Variants in CAST observed in about 807,000 individuals in gnomAD.
CAST encodes calpastatin.
Under a neutral mutation model 119.6 loss-of-function variants are expected in CAST, and 76 were observed. The observed-to-expected ratio is 0.64, with a 90% CI of 0.53 to 0.77. CAST has a LOEUF of 0.77. Among genes scored for constraint, CAST ranks in the 30% least tolerant of loss-of-function variants. CAST has a pLI of 0.00. For synonymous variants in CAST, 319 were observed against 331.6 expected, an observed-to-expected ratio of 0.96 and a Z score of 0.41; for missense variants, 953 against 946.5, an observed-to-expected ratio of 1.01 and a Z score of -0.09.
the CAST span, among the ~76,000 whole-genome samples, chr5:96,496,681 A>G: frequency 6.6e-6 from 1 of 152,244 alleles, no homozygotes; most frequent in East Asian, 1.9e-4. Context: ...CTTATACAGC[A>G]CTGTGAAACA....
At chr5:96,086,328 G>A in the CAST span, among the ~76,000 whole-genome samples, 1 of 152,150 alleles carries the variant, frequency 6.6e-6, no homozygotes, top group African/African-American at 2.4e-5. Context: ...TCACAAAGTA[G>A]GATGGTGAAG....
At chr5:96,396,010 G>A in the CAST span, among the ~76,000 whole-genome samples, 1 of 152,096 alleles carries the variant, frequency 6.6e-6, no homozygotes, top group African/African-American at 2.4e-5. Context: ...TCCCACCTTG[G>A]TAAATAGATT....
At chr5:96,053,846 A>G in the CAST span, among the ~76,000 whole-genome samples, 1 of 152,228 alleles carries the variant, frequency 6.6e-6, no homozygotes, top group Non-Finnish European at 1.5e-5. Flanking sequence ...TTGACCACAT[A>G]CATATGATGA....
At chr5:96,299,904 T>G in the CAST span, among the ~76,000 whole-genome samples, 3 of 152,220 alleles carry the variant, frequency 2.0e-5, no homozygotes, top group East Asian at 1.9e-4. Flanking sequence ...TTTAACAGTT[T>G]TTTAACAGTT....
At chr5:96,291,885 T>TGTGTGG in the CAST span, among the ~76,000 whole-genome samples, 2 of 145,022 alleles carry the variant, frequency 1.4e-5, no homozygotes, top group South Asian at 2.2e-4. Flanking sequence ...TGTGTGTGTG[T>TGTGTGG]GGTGGGGAAG....
At chr5:96,465,435 T>C in the CAST span, among the ~76,000 whole-genome samples, 1 of 152,134 alleles carries the variant, frequency 6.6e-6, no homozygotes, top group Non-Finnish European at 1.5e-5. Flanking sequence ...CAGCACAATG[T>C]GAAATGGAAG....
At chr5:96,554,326 T>C (rs1180588979) in intron 1 of CAST, among the ~76,000 whole-genome samples, 1 of 152,208 alleles carries the variant, frequency 6.6e-6, no homozygotes, top group Non-Finnish European at 1.5e-5. Context: ...ATTTAATAAA[T>C]GGTGTTGGGA....
At chr5:96,401,086 CAAAAA>C in the CAST span, among the ~76,000 whole-genome samples, 177 of 70,572 alleles carry the variant, frequency 2.5e-3, no homozygotes, top group African/African-American at 9.7e-3. Context: ...GACTCCGTCT[CAAAAA>C]AAAAAAAAAA....
At chr5:96,152,192 G>T in the CAST span, among the ~76,000 whole-genome samples, 6 of 152,290 alleles carry the variant, frequency 3.9e-5, no homozygotes, top group African/African-American at 1.4e-4. Context: ...AGGGGCAGGT[G>T]TAATCCCTTG....
the CAST span, among the ~76,000 whole-genome samples, chr5:96,284,511 C>T: frequency 7.9e-5 from 12 of 152,194 alleles, no homozygotes; most frequent in African/African-American, 2.9e-4. Context: ...GGGACTGCCT[C>T]TAAGTCTCTC....
chr5:96,508,086 C>T, the CAST span, among the ~76,000 whole-genome samples: 15 of 151,638 alleles, frequency 9.9e-5, no homozygotes, highest in African/African-American at 3.4e-4. Context: ...GTCTTGAACT[C>T]CTAGCCTTAA....
the CAST span, among the ~76,000 whole-genome samples, chr5:96,441,953 A>G: frequency 6.6e-6 from 1 of 152,192 alleles, no homozygotes; most frequent in Admixed American, 6.5e-5. Context: ...GAGTATAATG[A>G]TAACTGATGT....
At chr5:96,459,306 T>C in the CAST span, among the ~76,000 whole-genome samples, 25 of 152,244 alleles carry the variant, frequency 1.6e-4, no homozygotes, top group South Asian at 5.0e-3. Flanking sequence ...CCACCCTTTT[T>C]ATATCATTCA....
chr5:96,157,563 C>T, the CAST span, among the ~76,000 whole-genome samples: 4 of 152,174 alleles, frequency 2.6e-5, no homozygotes, highest in Admixed American at 6.5e-5. Flanking sequence ...TGTGGAATGC[C>T]ACACCCACAG....
the CAST span, among the ~76,000 whole-genome samples, chr5:96,252,801 C>T: frequency 6.6e-6 from 1 of 152,142 alleles, no homozygotes; most frequent in Non-Finnish European, 1.5e-5. Flanking sequence ...TTGATTCATG[C>T]ATTGCAGATC....
At chr5:95,999,605 A>G in the CAST span, among the ~76,000 whole-genome samples, 3 of 152,156 alleles carry the variant, frequency 2.0e-5, no homozygotes, top group Non-Finnish European at 4.4e-5. Context: ...TGGTCTCCCA[A>G]AGTGCTGGGA....
chr5:96,242,182 G>GT, the CAST span, among the ~76,000 whole-genome samples: 1,055 of 150,180 alleles, frequency 7.0e-3, 10 homozygotes, highest in South Asian at 0.036. Flanking sequence ...TTCTTCTAGG[G>GT]TTTTTATGGT....
chr5:96,739,440 A>G (rs1474359701), intron 11 of CAST, among the ~76,000 whole-genome samples: 1 of 152,254 alleles, frequency 6.6e-6, no homozygotes, highest in Non-Finnish European at 1.5e-5. Flanking sequence ...AATTTTGAAT[A>G]AAAAATGCAG....
intron 1 of CAST, among the ~76,000 whole-genome samples, chr5:96,621,905 A>G (rs1055505103): frequency 9.2e-5 from 14 of 152,116 alleles, no homozygotes; most frequent in Admixed American, 3.3e-4. Context: ...GGGAAGCTGA[A>G]AGGGGGCAGA....
Sources: gnomAD v4.1 joint callset for allele counts (sites outside exome capture counted in the v4.1 genomes callset) on GRCh38, gnomAD v4.1.1 for gene constraint, MANE v1.5 for transcripts, NCBI Gene and HGNC (gene_info 2026-07-23, HGNC 2026-07-21) for gene names.